PTPRT: variants seen among roughly 807,000 people sequenced by gnomAD.
PTPRT encodes receptor-type tyrosine-protein phosphatase T.
PTPRT carries 56 observed loss-of-function variants against 176.8 expected under a neutral mutation model. The observed-to-expected ratio is 0.32, with a 90% CI of 0.26 to 0.40. The LOEUF is 0.40. Among genes scored for constraint, PTPRT ranks in the 10% least tolerant of loss-of-function variants. The pLI is 1.00. For missense variants in PTPRT, 1,540 were observed against 1,908.2 expected (o/e 0.81, Z 3.60); for synonymous variants, 783 against 739.0 (o/e 1.06, Z -0.96).
intron 1 of PTPRT, among the ~76,000 whole-genome samples, chr20:43,116,726 C>T (rs1055880672): frequency 5.3e-5 from 8 of 152,102 alleles, no homozygotes; most frequent in African/African-American, 1.7e-4. Flanking sequence ...CTTTTTCCAC[C>T]ACAAATGTAG....
intron 1 of PTPRT, among the ~76,000 whole-genome samples, chr20:42,977,638 T>C (rs992071785): frequency 6.6e-6 from 1 of 152,132 alleles, no homozygotes; most frequent in African/African-American, 2.4e-5. Flanking sequence ...CTAGATTGTA[T>C]ATAAAGGCTA....
chr20:42,191,167 A>T (rs568076079), intron 16 of PTPRT, among the ~76,000 whole-genome samples: 4 of 142,314 alleles, frequency 2.8e-5, no homozygotes, highest in Non-Finnish European at 6.1e-5. Flanking sequence ...GGCTGACACA[A>T]CCAGAAATAA....
chr20:42,192,881 C>T (rs1053134164), intron 16 of PTPRT, among the ~76,000 whole-genome samples: 14 of 152,114 alleles, frequency 9.2e-5, no homozygotes, highest in East Asian at 1.9e-4. Flanking sequence ...AGGATGATTC[C>T]GGCAGAACCT....
At chr20:42,146,180 A>C (rs1988859193) in intron 17 of PTPRT, among the ~76,000 whole-genome samples, 1 of 151,942 alleles carries the variant, frequency 6.6e-6, no homozygotes, top group Non-Finnish European at 1.5e-5. Context: ...TCCTCCAGGC[A>C]ACTTGCCAGG....
chr20:42,724,991 G>C (rs769048278), intron 6 of PTPRT, among the ~76,000 whole-genome samples: 11 of 149,702 alleles, frequency 7.3e-5, no homozygotes, highest in Non-Finnish European at 1.5e-4. Flanking sequence ...ATTCTTGACA[G>C]CAGGATGTGG....
chr20:43,043,825 G>A (rs1338123595), intron 1 of PTPRT, among the ~76,000 whole-genome samples: 1 of 152,198 alleles, frequency 6.6e-6, no homozygotes, highest in Non-Finnish European at 1.5e-5. Context: ...TCATCAGCCT[G>A]AATACTGTGA....
intron 4 of PTPRT, among the ~76,000 whole-genome samples, chr20:42,774,015 T>C (rs1478104127): frequency 6.6e-6 from 1 of 152,240 alleles, no homozygotes; most frequent in Non-Finnish European, 1.5e-5. Context: ...GCCTTGATTC[T>C]TTCATCTTCA....
At chr20:42,744,000 T>C (rs1380961745) in intron 6 of PTPRT, among the ~76,000 whole-genome samples, 2 of 152,224 alleles carry the variant, frequency 1.3e-5, no homozygotes, top group South Asian at 2.1e-4. Flanking sequence ...AGTCACTGGG[T>C]TGCCGGTAGG....
intron 1 of PTPRT, among the ~76,000 whole-genome samples, chr20:43,039,203 C>T (rs1986507553): frequency 6.6e-6 from 1 of 152,120 alleles, no homozygotes; most frequent in African/African-American, 2.4e-5. Flanking sequence ...CAGTAGTAAA[C>T]AAGATAGCAT....
chr20:43,067,434 C>T (rs1361045901), intron 1 of PTPRT, among the ~76,000 whole-genome samples: 1 of 152,072 alleles, frequency 6.6e-6, no homozygotes, highest in Non-Finnish European at 1.5e-5. Flanking sequence ...CACCAAATGC[C>T]ACTAAATTGC....
intron 7 of PTPRT, among the ~76,000 whole-genome samples, chr20:42,481,292 A>G (rs111543257): frequency 2.0e-5 from 3 of 152,264 alleles, no homozygotes; most frequent in Admixed American, 1.3e-4. Context: ...AATCCTCCTA[A>G]TCTCATGGCT....
intron 16 of PTPRT, among the ~76,000 whole-genome samples, chr20:42,175,813 G>A (rs1466437071): frequency 6.6e-6 from 1 of 152,136 alleles, no homozygotes; most frequent in Non-Finnish European, 1.5e-5. Context: ...AGGATGGATA[G>A]ATGGGAAGAT....
At position 43,118,465 on chromosome 20, in the gene PTPRT, T is replaced by A. The variant is rs1288153314; in HGVS notation, c.88+71181A>T. On this transcript the variant is annotated intron_variant, in intron 1 of 30. Coordinates refer to ENST00000373187, the MANE Select transcript of PTPRT (RefSeq NM_007050.6). ...TCCCATTTTTTGTTTTTTGAATGAGTCTCACTCTGTCACCCAGGCTGGAGT... is the reference window on the plus strand; with the variant it reads ...TCCCATTTTTTGTTTTTTGAATGAGACTCACTCTGTCACCCAGGCTGGAGT... 3.9e-5 allele frequency among the ~76,000 whole-genome samples: 6 copies of A among 152,114 alleles called. No homozygotes were observed. The South Asian group carries it at 1.0e-3, about 26-fold the overall frequency.
At chr20:42,041,623 C>T in the PTPRT span, among the ~76,000 whole-genome samples, 1 of 152,178 alleles carries the variant, frequency 6.6e-6, no homozygotes, top group African/African-American at 2.4e-5. Context: ...CTGCCTAAAT[C>T]CCCATGATGG....
chr20:42,395,641 A>G (rs988575965), intron 9 of PTPRT, among the ~76,000 whole-genome samples: 1 of 152,080 alleles, frequency 6.6e-6, no homozygotes, highest in Admixed American at 6.6e-5. Flanking sequence ...AGATTTCAGT[A>G]CCCACAATTC....
chr20:42,842,795 G>T (rs1423340050), intron 2 of PTPRT, among the ~76,000 whole-genome samples: 1 of 152,170 alleles, frequency 6.6e-6, no homozygotes, highest in East Asian at 1.9e-4. Flanking sequence ...TCTGATGAAG[G>T]CCTCTTCTTC....
intron 1 of PTPRT, among the ~76,000 whole-genome samples, chr20:43,020,409 G>A (rs545076489): frequency 5.4e-4 from 82 of 152,054 alleles, no homozygotes; most frequent in African/African-American, 1.9e-3. Flanking sequence ...GGCACAGACG[G>A]CAACAGTGCA....
chr20:43,062,582 A>G (rs1987515015), intron 1 of PTPRT, among the ~76,000 whole-genome samples: 1 of 152,132 alleles, frequency 6.6e-6, no homozygotes, highest in Admixed American at 6.5e-5. Flanking sequence ...ACCAACACAC[A>G]CTCTTTTGCA....
intron 1 of PTPRT, among the ~76,000 whole-genome samples, chr20:43,023,884 G>A (rs1372390053): frequency 6.6e-6 from 1 of 152,146 alleles, no homozygotes; most frequent in African/African-American, 2.4e-5. Context: ...AGGTTCCCCC[G>A]AGACAAACAT....
Sources: gnomAD v4.1 joint callset for allele counts (sites outside exome capture counted in the v4.1 genomes callset) on GRCh38, gnomAD v4.1.1 for gene constraint, MANE v1.5 for transcripts, NCBI Gene and HGNC (gene_info 2026-07-23, HGNC 2026-07-21) for gene names.